The following DLG2 variants were observed in gnomAD, a reference collection of about 807,000 sequenced individuals.
The protein encoded by DLG2 is discs large MAGUK scaffold protein 2.
Under a neutral mutation model 132.5 loss-of-function variants are expected in DLG2, and 45 were observed. The ratio of observed to expected loss-of-function variants is 0.34; its 90% CI spans 0.27 to 0.44. The LOEUF is 0.44. Among genes scored for constraint, DLG2 ranks in the 20% least tolerant of loss-of-function variants. The probability of loss-of-function intolerance (pLI) is 1.00; values close to 1 mark genes in which losing one functional copy is unlikely to be tolerated. For missense variants in DLG2, 1,045 were observed against 1,196.9 expected (o/e 0.87, Z 1.87); for synonymous variants, 424 against 419.6 (o/e 1.01, Z -0.13).
chr11:84,595,132 G>A (rs1421022940), intron 6 of DLG2, among the ~76,000 whole-genome samples: 1 of 152,020 alleles, frequency 6.6e-6, no homozygotes, highest in African/African-American at 2.4e-5. Flanking sequence ...ATATAGTTAT[G>A]GTAGAAAAAG....
chr11:84,697,446 AAC>A (rs1317892179), intron 6 of DLG2, among the ~76,000 whole-genome samples: 1 of 151,546 alleles, frequency 6.6e-6, no homozygotes, highest in Non-Finnish European at 1.5e-5. Context: ...AGTTTCATGA[AAC>A]ACAATCAGGT....
intron 6 of DLG2, among the ~76,000 whole-genome samples, chr11:84,721,460 G>T (rs1328334991): frequency 6.6e-6 from 1 of 151,770 alleles, no homozygotes; most frequent in Non-Finnish European, 1.5e-5. Context: ...TGTTGTTCCA[G>T]AAGTATGAAT....
intron 6 of DLG2, among the ~76,000 whole-genome samples, chr11:84,735,732 G>C (rs1339823479): frequency 6.6e-6 from 1 of 151,902 alleles, no homozygotes; most frequent in Non-Finnish European, 1.5e-5. Flanking sequence ...TGATGTTAGG[G>C]TGTCAATTTG....
chr11:83,471,515 G>T, intron 24 of DLG2, 111 bp downstream of exon 24: 1 of 726,308 alleles, frequency 1.4e-6, no homozygotes, highest in Non-Finnish European at 2.3e-6. Context: ...GGAAATGGTT[G>T]GTATTTGAAT....
At chr11:83,568,773 T>C (rs1427797126) in intron 19 of DLG2, among the ~76,000 whole-genome samples, 2 of 152,156 alleles carry the variant, frequency 1.3e-5, no homozygotes, top group African/African-American at 4.8e-5. Context: ...ATTCTATCTC[T>C]CATCCCCTCC....
chr11:85,500,179 T>C (rs146800097), intron 3 of DLG2, among the ~76,000 whole-genome samples: 4,304 of 152,188 alleles, frequency 0.028, 99 homozygotes, highest in East Asian at 0.097. Flanking sequence ...GATGACATGA[T>C]TGTATATCTA....
At chr11:85,237,812 C>T (rs1261608668) in intron 4 of DLG2, among the ~76,000 whole-genome samples, 1 of 152,036 alleles carries the variant, frequency 6.6e-6, no homozygotes, top group Non-Finnish European at 1.5e-5. Context: ...ACCAGAGGAA[C>T]CAGTCCAGAA....
chr11:85,012,442 T>C (rs1044569699), intron 6 of DLG2, among the ~76,000 whole-genome samples: 19 of 151,882 alleles, frequency 1.3e-4, no homozygotes, highest in Admixed American at 7.2e-4. Context: ...GAGAATCGCT[T>C]GAACCTGGGA....
At chr11:84,058,828 G>A (rs1027498669) in intron 11 of DLG2, among the ~76,000 whole-genome samples, 19 of 151,760 alleles carry the variant, frequency 1.3e-4, no homozygotes, top group Admixed American at 1.2e-3. Flanking sequence ...ACTTATTTTG[G>A]CTACTGCAAG....
At chr11:84,615,534 T>C (rs1029715276) in intron 6 of DLG2, among the ~76,000 whole-genome samples, 1 of 152,008 alleles carries the variant, frequency 6.6e-6, no homozygotes, top group African/African-American at 2.4e-5. Context: ...TCATTCAGAA[T>C]AGTAAGTTAA....
intron 3 of DLG2, among the ~76,000 whole-genome samples, chr11:85,480,775 T>C (rs2093268911): frequency 6.6e-6 from 1 of 152,158 alleles, no homozygotes; most frequent in Non-Finnish European, 1.5e-5. Context: ...AAAAAGAATC[T>C]ATTCTGGAGC....
intron 9 of DLG2, among the ~76,000 whole-genome samples, chr11:84,150,155 G>T (rs950164725): frequency 6.6e-6 from 1 of 152,130 alleles, no homozygotes; most frequent in Non-Finnish European, 1.5e-5. Context: ...TGGTCAGTAT[G>T]GCCATTTCAA....
intron 6 of DLG2, among the ~76,000 whole-genome samples, chr11:84,816,245 T>C (rs1225397368): frequency 1.3e-5 from 2 of 151,996 alleles, no homozygotes; most frequent in Non-Finnish European, 2.9e-5. Flanking sequence ...GAGTAGGGGC[T>C]GCCTCCAGAG....
chr11:85,076,364 C>T (rs186243766), intron 6 of DLG2, among the ~76,000 whole-genome samples: 33 of 152,088 alleles, frequency 2.2e-4, no homozygotes, highest in Admixed American at 5.9e-4. Context: ...TGGGTACATG[C>T]TGGCAAACAC....
chr11:83,504,747 C>T (rs1224730058), intron 21 of DLG2, among the ~76,000 whole-genome samples: 1 of 152,108 alleles, frequency 6.6e-6, no homozygotes, highest in African/African-American at 2.4e-5. Context: ...CCACTTCCAC[C>T]CGTTGATTCC....
intron 10 of DLG2, among the ~76,000 whole-genome samples, chr11:84,083,865 G>C (rs1027638663): frequency 1.3e-5 from 2 of 152,062 alleles, no homozygotes; most frequent in Non-Finnish European, 2.9e-5. Context: ...AACAGAAAGA[G>C]AATACCTATT....
At chr11:83,509,443 T>C (rs778057680) in intron 21 of DLG2, among the ~76,000 whole-genome samples, 18 of 152,172 alleles carry the variant, frequency 1.2e-4, no homozygotes, top group Admixed American at 2.6e-4. Flanking sequence ...TTTTCCTTCC[T>C]CTATCACAAG....
intron 6 of DLG2, among the ~76,000 whole-genome samples, chr11:84,991,593 G>T (rs188839604): frequency 5.3e-4 from 81 of 151,626 alleles, no homozygotes; most frequent in African/African-American, 1.9e-3. Flanking sequence ...CAAGAAGAGG[G>T]AACAGAGGAA....
intron 18 of DLG2, chr11:83,682,300 G>A: frequency 1.0e-6 from 1 of 985,364 alleles, no homozygotes; most frequent in Non-Finnish European, 1.2e-6. Flanking sequence ...GAACTCACTA[G>A]CGGAACCTGA....
Sources: gnomAD v4.1 joint callset for allele counts (sites outside exome capture counted in the v4.1 genomes callset) on GRCh38, gnomAD v4.1.1 for gene constraint, MANE v1.5 for transcripts, NCBI Gene and HGNC (gene_info 2026-07-23, HGNC 2026-07-21) for gene names.